The following TRPM3 variants were observed in gnomAD, a reference collection of about 807,000 sequenced individuals.
TRPM3 encodes the protein transient receptor potential cation channel subfamily M member 3.
Under a neutral mutation model 181.2 loss-of-function variants are expected in TRPM3, and 77 were observed. The ratio of observed to expected loss-of-function variants is 0.42; its 90% CI spans 0.35 to 0.51. The LOEUF is 0.51. Ranked by LOEUF, TRPM3 falls within the 20% of genes least tolerant of loss-of-function variation. The pLI, the probability that TRPM3 is intolerant of heterozygous loss-of-function variation, is 0.01. For synonymous variants in TRPM3, 745 were observed against 796.4 expected (o/e 0.94, Z 1.09); for missense variants, 1,759 against 2,196.7 (o/e 0.80, Z 3.98).
In TRPM3 at chr9:70,615,903, C is replaced by A. The variant is rs773875016; in HGVS notation, c.2526+5G>T. The A allele has an allele frequency of 6.3e-7, 1 of 1,595,794 alleles. No homozygotes were observed. Among genetic ancestry groups the A allele is most frequent in the East Asian group, 2.2e-5 (1 of 44,656 alleles). On this transcript the variant is annotated splice_donor_5th_base_variant and intron_variant, in intron 18 of 25. Coordinates refer to ENST00000677713, the MANE Select transcript of TRPM3 (RefSeq NM_001366145.2). ...ATAGAGAATAACTGTGCAATGTTTT[C>A]TTACTGTGAGCTCCATGTCCTCTTC...
At position 71,317,161 on chromosome 9, in the gene TRPM3, T is replaced by C. The variant is rs115480448; in HGVS notation, c.183+129492A>G. Among the ~76,000 whole-genome samples, 441 of 152,324 alleles carry C rather than the reference T, an allele frequency of 2.9e-3. 4 individuals are homozygous for C. The highest frequency in any genetic ancestry group is 0.01 in the African/African-American group (422 of 41,586). The stretch of plus-strand genomic sequence containing the variant: ...ATTCACATTGTGGTGCACATGAGAA[T>C]GCTGAGATTAAAGGCTCAAAAATGA... On this transcript the variant is annotated intron_variant, in intron 1 of 24. Coordinates refer to the TRPM3 transcript ENST00000357533.
chr9:70,846,407 G>A lies in TRPM3; in HGVS notation c.647C>T (p.Ala216Val), dbSNP rs140438424. ...GTTAACCCCTCCAGTGAATATCCAC[G>A]CTCCAGTTGTCATTGCTGCTTTGAT... ...GLIKAAMTTG[A>V]WIFTGGVNTG... Residue 216 changes from alanine to valine, a missense_variant, in exon 4 of 26, where the codon GCG becomes GTG. Physicochemically the swap from Ala to Val is moderately conservative, Grantham distance 64. This residue lies in a region of TRPM3 where 737 missense variants were observed against 957.4 expected (regional missense o/e 0.77). Coordinates refer to ENST00000677713, the MANE Select transcript of TRPM3 (RefSeq NM_001366145.2). The A allele has an allele frequency of 4.3e-6, 7 of 1,613,936 alleles. No individual in the cohort carries two copies. The highest frequency in any genetic ancestry group is 1.3e-5 in the African/African-American group (1 of 74,898).
At chr9:71,226,646 A>G (rs140589151) in intron 1 of TRPM3, among the ~76,000 whole-genome samples, 78 of 152,096 alleles carry the variant, frequency 5.1e-4, no homozygotes, top group Non-Finnish European at 7.8e-4. Context: ...GTGTGTGTGT[A>G]TATACACATA....
chr9:70,580,449 G>T (rs1342157434), intron 22 of TRPM3, among the ~76,000 whole-genome samples: 2 of 151,952 alleles, frequency 1.3e-5, no homozygotes, highest in Admixed American at 6.5e-5. Context: ...ACAATGCATA[G>T]AATCCAATAA....
intron 1 of TRPM3, among the ~76,000 whole-genome samples, chr9:70,906,029 A>G (rs1466958398): frequency 1.3e-5 from 2 of 152,120 alleles, no homozygotes; most frequent in African/African-American, 4.8e-5. Flanking sequence ...GCAGAGATTC[A>G]TTTCTTGTTT....
At chr9:70,765,798 T>G (rs1343316258) in intron 7 of TRPM3, among the ~76,000 whole-genome samples, 2 of 152,124 alleles carry the variant, frequency 1.3e-5, no homozygotes. Context: ...CTTCCCATCT[T>G]TTTCTGTGCA....
rs1467098331 is a variant in TRPM3, at chr9:71,196,284, T to C, written c.183+250369A>G. 1.0e-4 allele frequency among the ~76,000 whole-genome samples: 12 copies of C among 120,256 alleles called. No individual in the cohort carries two copies. In the South Asian group the frequency reaches 2.1e-3, roughly 21 times the overall value. 78.9% of individuals were successfully genotyped at this position (120,256 alleles called of 152,430 possible). On this transcript the variant is annotated intron_variant, in intron 1 of 24. Coordinates refer to the TRPM3 transcript ENST00000357533. Reference sequence around the variant, plus strand: ...TTTGTTTTTCTTTTTTAGTAATTTATTTCTGATAGTATTGAAGTTATGGCC... The same window carrying C: ...TTTGTTTTTCTTTTTTAGTAATTTACTTCTGATAGTATTGAAGTTATGGCC...
chr9:71,208,267 A>C (rs2131780069), intron 1 of TRPM3, among the ~76,000 whole-genome samples: 1 of 152,282 alleles, frequency 6.6e-6, no homozygotes, highest in Non-Finnish European at 1.5e-5. Context: ...ATAGTGTAAA[A>C]CGGTATGTCT....
intron 3 of TRPM3, among the ~76,000 whole-genome samples, chr9:70,851,429 G>GT (rs1004588149): frequency 1.1e-4 from 16 of 152,260 alleles, no homozygotes; most frequent in Non-Finnish European, 1.5e-4. Flanking sequence ...ATACTAATTG[G>GT]TAATAAATAA....
At chr9:70,554,303 C>T (rs1458604723) in intron 22 of TRPM3, among the ~76,000 whole-genome samples, 1 of 152,142 alleles carries the variant, frequency 6.6e-6, no homozygotes, top group African/African-American at 2.4e-5. Context: ...CCTATAATGG[C>T]TTTAGAACAA....
At chr9:70,836,852 C>T (rs2094354840) in intron 5 of TRPM3, among the ~76,000 whole-genome samples, 3 of 152,178 alleles carry the variant, frequency 2.0e-5, no homozygotes, top group Admixed American at 2.0e-4. Flanking sequence ...GAACTTCTAT[C>T]TCACATACTC....
At chr9:71,315,517 C>A (rs910382149) in intron 1 of TRPM3, among the ~76,000 whole-genome samples, 1 of 152,116 alleles carries the variant, frequency 6.6e-6, no homozygotes, top group Non-Finnish European at 1.5e-5. Context: ...GATTTTATAG[C>A]TTGAGCTCTA....
At chr9:70,691,017 T>G (rs185734279) in intron 8 of TRPM3, among the ~76,000 whole-genome samples, 1 of 152,258 alleles carries the variant, frequency 6.6e-6, no homozygotes, top group South Asian at 2.1e-4. Flanking sequence ...ATGATTTATA[T>G]GGAGGAGGGA....
At chr9:70,923,017 A>T (rs920150109) in intron 1 of TRPM3, among the ~76,000 whole-genome samples, 1 of 152,192 alleles carries the variant, frequency 6.6e-6, no homozygotes, top group Non-Finnish European at 1.5e-5. Flanking sequence ...CAAGAGAAAA[A>T]GCCATTGATC....
chr9:70,782,314 C>A (rs374485496), intron 7 of TRPM3, among the ~76,000 whole-genome samples: 1 of 151,702 alleles, frequency 6.6e-6, no homozygotes, highest in Admixed American at 6.6e-5. Flanking sequence ...TGGGTTCAAG[C>A]GATTATCCTG....
intron 1 of TRPM3, among the ~76,000 whole-genome samples, chr9:71,340,260 G>C (rs571342776): frequency 9.2e-5 from 14 of 152,236 alleles, no homozygotes; most frequent in African/African-American, 3.4e-4. Flanking sequence ...GTAGTGCTGG[G>C]CTGGAGTGAA....
At chr9:70,575,405 C>G (rs1293402006) in intron 22 of TRPM3, among the ~76,000 whole-genome samples, 1 of 152,088 alleles carries the variant, frequency 6.6e-6, no homozygotes, top group East Asian at 1.9e-4. Flanking sequence ...CTCTAAGTAG[C>G]CTTTGACACT....
chr9:71,214,976 A>AT (rs1360467056), intron 1 of TRPM3, among the ~76,000 whole-genome samples: 2 of 144,662 alleles, frequency 1.4e-5, no homozygotes, highest in African/African-American at 5.1e-5. Flanking sequence ...TGATTCTATC[A>AT]TTTTTTTGTT....
chr9:70,634,828 G>T (rs1036330096), intron 12 of TRPM3, among the ~76,000 whole-genome samples: 4 of 152,164 alleles, frequency 2.6e-5, no homozygotes, highest in Non-Finnish European at 4.4e-5. Context: ...ATGTGACATT[G>T]TATCAGGAGC....
Sources: gnomAD v4.1 joint callset for allele counts (sites outside exome capture counted in the v4.1 genomes callset) on GRCh38, gnomAD v4.1.1 for gene constraint, gnomAD v4.1.1 regional missense constraint, MANE v1.5 for transcripts, NCBI Gene and HGNC (gene_info 2026-07-23, HGNC 2026-07-21) for gene names.